The following RNF152 variants were observed in gnomAD, a reference collection of about 807,000 sequenced individuals.
RNF152 encodes the protein E3 ubiquitin-protein ligase RNF152.
A neutral mutation model predicts 12.7 loss-of-function variants in RNF152; 11 were observed. That is an observed-to-expected ratio of 0.86 (90% confidence interval 0.54 to 1.43). The LOEUF is 1.43. Among genes scored for constraint, RNF152 ranks in the 40% most tolerant of loss-of-function variants. The probability of loss-of-function intolerance (pLI) is 0.00; values close to 1 mark genes in which losing one functional copy is unlikely to be tolerated. For synonymous variants in RNF152, 113 were observed against 120.3 expected (o/e 0.94, Z 0.40); for missense variants, 255 against 274.8 (o/e 0.93, Z 0.51).
intron 1 of RNF152, among the ~76,000 whole-genome samples, chr18:61,844,114 GAA>G (rs771229653): frequency 1.6e-5 from 2 of 125,196 alleles, no homozygotes; most frequent in Non-Finnish European, 3.7e-5. Context: ...AAGAAAGAAA[GAA>G]AGAAAGAAAG....
intron 1 of RNF152, among the ~76,000 whole-genome samples, chr18:61,859,079 T>C (rs144615980): frequency 2.6e-5 from 4 of 152,316 alleles, no homozygotes; most frequent in Non-Finnish European, 5.9e-5. Context: ...CCCTGTATTA[T>C]AGACGAGGGC....
At chr18:61,836,347 C>G (rs1295362105) in intron 1 of RNF152, among the ~76,000 whole-genome samples, 1 of 151,970 alleles carries the variant, frequency 6.6e-6, no homozygotes, top group African/African-American at 2.4e-5. Flanking sequence ...ATGTCTGTGT[C>G]CCCCCAAAAT....
At chr18:61,857,462 C>A (rs1307669358) in intron 1 of RNF152, among the ~76,000 whole-genome samples, 1 of 152,142 alleles carries the variant, frequency 6.6e-6, no homozygotes, top group African/African-American at 2.4e-5. Context: ...TGAATCCTGG[C>A]AGAATGAAGC....
intron 1 of RNF152, among the ~76,000 whole-genome samples, chr18:61,842,580 A>G (rs1910501855): frequency 6.6e-6 from 1 of 152,142 alleles, no homozygotes; most frequent in Non-Finnish European, 1.5e-5. Flanking sequence ...TTGACTATTG[A>G]GCACCTTCAT....
intron 1 of RNF152, among the ~76,000 whole-genome samples, 154 bp from the exon 2 acceptor site, chr18:61,816,752 G>A (rs1309082764): frequency 2.0e-5 from 3 of 152,110 alleles, no homozygotes; most frequent in African/African-American, 4.8e-5. Context: ...TTCCCATAAC[G>A]CCCAGTGAAA....
intron 1 of RNF152, among the ~76,000 whole-genome samples, chr18:61,889,810 T>C (rs1599332673): frequency 6.6e-6 from 1 of 152,290 alleles, no homozygotes; most frequent in East Asian, 1.9e-4. Flanking sequence ...ACTCTTTTTC[T>C]ACCCTGGGCG....
chr18:61,844,134 G>GAA (rs1237859227), intron 1 of RNF152, among the ~76,000 whole-genome samples: 4 of 131,114 alleles, frequency 3.1e-5, no homozygotes, highest in East Asian at 2.3e-4. Context: ...AAGAAAGAAA[G>GAA]AAAGAAATTA....
At chr18:61,886,133 A>G (rs1307974096) in intron 1 of RNF152, among the ~76,000 whole-genome samples, 2 of 152,022 alleles carry the variant, frequency 1.3e-5, no homozygotes, top group Non-Finnish European at 2.9e-5. Context: ...TACGTACTGC[A>G]GCCTGGTCAT....
rs1237932589 is a variant in RNF152 at position 61,815,869 on chromosome 18, C to T, written c.595G>A (p.Val199Met). ...AGCCCTCTTCAGCCACAGGATATCACAGTGAAGCGCTTAGAAATGCAAGAC... is the reference window on the plus strand; with the variant it reads ...AGCCCTCTTCAGCCACAGGATATCATAGTGAAGCGCTTAGAAATGCAAGAC... Reference protein sequence around the residue: ...NMSCISKRFTVISCG With the variant: ...NMSCISKRFTMISCG The change falls in exon 2 of 2, where the codon GTG (valine) becomes ATG (methionine). Residue 199 changes from valine to methionine, a missense_variant. Transcript: ENST00000312828. 2 of 1,614,054 alleles carry T rather than the reference C, an allele frequency of 1.2e-6. No homozygotes were observed. Among genetic ancestry groups the T allele is most frequent in the East Asian group, 4.5e-5 (2 of 44,898 alleles).
At chr18:61,848,538 G>A (rs1053685578) in intron 1 of RNF152, among the ~76,000 whole-genome samples, 8 of 152,302 alleles carry the variant, frequency 5.3e-5, no homozygotes, top group Middle Eastern at 3.4e-3. Context: ...CAGGCTGTAC[G>A]TGGCCTCAGC....
At chr18:61,863,317 C>G (rs1281885193) in intron 1 of RNF152, among the ~76,000 whole-genome samples, 1 of 151,940 alleles carries the variant, frequency 6.6e-6, no homozygotes, top group African/African-American at 2.4e-5. Context: ...CGCCTGTAGT[C>G]CCAGCTACTC....
At chr18:61,840,119 G>A (rs951652523) in intron 1 of RNF152, among the ~76,000 whole-genome samples, 22 of 152,000 alleles carry the variant, frequency 1.4e-4, no homozygotes, top group Admixed American at 1.4e-3. Flanking sequence ...AAGGCCCAAG[G>A]GAGCTTATTT....
chr18:61,850,024 G>C (rs1405407574), intron 1 of RNF152, among the ~76,000 whole-genome samples: 1 of 152,186 alleles, frequency 6.6e-6, no homozygotes, highest in African/African-American at 2.4e-5. Flanking sequence ...ATATTGGGGT[G>C]AATTAGCCAA....
At chr18:61,856,882 A>T (rs1428669034) in intron 1 of RNF152, among the ~76,000 whole-genome samples, 2 of 152,236 alleles carry the variant, frequency 1.3e-5, no homozygotes, top group African/African-American at 2.4e-5. Flanking sequence ...GCTCATCTTC[A>T]AAAAGCCATA....
At chr18:61,891,193 A>C (rs1429678811) in intron 1 of RNF152, among the ~76,000 whole-genome samples, 3 of 152,232 alleles carry the variant, frequency 2.0e-5, no homozygotes, top group Admixed American at 1.3e-4. Context: ...TCAGCCTAAT[A>C]GCCTCTAGGG....
rs1331254833 is a variant in RNF152, at chr18:61,814,819, C to T, written c.*1033G>A. 6.6e-6 allele frequency: 1 copy of T among 152,216 alleles called. No homozygotes were observed. The highest frequency in any genetic ancestry group is 1.5e-5 in the Non-Finnish European group (1 of 68,040). 9.4% of individuals were successfully genotyped at this position (152,216 alleles called of 1,614,324 possible). ...GACTCCAAAACCAGGAGAAAAGACACTCTTCTGTTACTCTCCATTTGCCTC... is the reference window on the plus strand; with the variant it reads ...GACTCCAAAACCAGGAGAAAAGACATTCTTCTGTTACTCTCCATTTGCCTC... On this transcript the variant is annotated 3_prime_UTR_variant, in exon 2 of 2. Coordinates refer to ENST00000312828, the MANE Select transcript of RNF152 (RefSeq NM_173557.3).
intron 1 of RNF152, among the ~76,000 whole-genome samples, chr18:61,822,763 T>C (rs1032914326): frequency 6.6e-6 from 1 of 152,238 alleles, no homozygotes; most frequent in Non-Finnish European, 1.5e-5. Context: ...TTCCATTTAA[T>C]AGTCTCTATG....
chr18:61,854,313 A>G (rs1050247634), intron 1 of RNF152, among the ~76,000 whole-genome samples: 3 of 152,190 alleles, frequency 2.0e-5, no homozygotes, highest in African/African-American at 7.2e-5. Context: ...TGTCACAACC[A>G]TCTAAGAGAC....
Position 61,813,064 on chromosome 18 carries a change from G to A in RNF152, c.*2788C>T, listed in dbSNP as rs969142622. On this transcript the variant is annotated 3_prime_UTR_variant, in exon 2 of 2. Transcript: ENST00000312828. ...CCGGAGGCTGCTTTCAGCTCTTTCT[G>A]TGCTTTCCAGTTGTGACTTTTCATT... 1.3e-5 allele frequency: 2 copies of A among 152,100 alleles called. No homozygotes were observed. Among genetic ancestry groups the A allele is most frequent in the African/African-American group, 4.8e-5 (2 of 41,416 alleles). The allele number at this position is 152,100 out of a possible 1,614,324, so 9.4% of individuals were successfully genotyped here.
Sources: allele counts gnomAD v4.1 joint callset (sites outside exome capture counted in the v4.1 genomes callset), GRCh38; gene constraint gnomAD v4.1.1; transcripts MANE v1.5; gene names NCBI Gene and HGNC (gene_info 2026-07-23, HGNC 2026-07-21).